The following SIL1 variants were observed in gnomAD, a reference collection of about 807,000 sequenced individuals.
The protein encoded by SIL1 is SIL1 nucleotide exchange factor, also known as nucleotide exchange factor SIL1.
SIL1 carries 40 observed loss-of-function variants against 49.1 expected under a neutral mutation model. That is an observed-to-expected ratio of 0.81 (90% CI 0.63 to 1.06). The LOEUF (loss-of-function observed/expected upper bound fraction) is 1.06. Ranked by LOEUF, SIL1 falls within the 50% of genes least tolerant of loss-of-function variation. The pLI is 0.00. For missense variants in SIL1, 500 were observed against 572.6 expected (o/e 0.87, Z 1.29); for synonymous variants, 253 against 250.8 (o/e 1.01, Z -0.08).
At chr5:139,062,955 A>G (rs1769627427) in intron 3 of SIL1, among the ~76,000 whole-genome samples, 1 of 152,238 alleles carries the variant, frequency 6.6e-6, no homozygotes, top group South Asian at 2.1e-4. Context: ...ATTGAGAAGT[A>G]TGACATAAAT....
Position 139,176,347 on chromosome 5 carries a change from G to A in SIL1, c.-11+21922C>T, listed in dbSNP as rs10041989. Among the ~76,000 whole-genome samples, 85,559 of 151,802 alleles carry A rather than the reference G, an allele frequency of 0.56. 25,195 individuals carry two copies. Among genetic ancestry groups the A allele is most frequent in the African/African-American group, 0.7 (28,876 of 41,402 alleles). On this transcript the variant is annotated intron_variant, in intron 1 of 9. Coordinates refer to ENST00000394817, the MANE Select transcript of SIL1 (RefSeq NM_022464.5). ...TACAGCTCTCTTCTGAACCTTCGTC[G>A]GAATTACCCTTAAGGCTCCTTTCAT... is the stretch of plus-strand genomic sequence containing the variant.
chr5:138,956,682 T>C (rs1449517717), intron 7 of SIL1, among the ~76,000 whole-genome samples: 3 of 150,988 alleles, frequency 2.0e-5, no homozygotes, highest in African/African-American at 4.9e-5. Context: ...GGTAGAGGTT[T>C]CAGTGAGCTG....
At chr5:139,002,491 TA>T (rs577873393) in intron 7 of SIL1, among the ~76,000 whole-genome samples, 61 of 152,144 alleles carry the variant, frequency 4.0e-4, no homozygotes, top group Non-Finnish European at 5.3e-4. Context: ...AAGTATCTCA[TA>T]AAAAAATAGA....
At chr5:139,166,069 G>A (rs570759830) in intron 1 of SIL1, among the ~76,000 whole-genome samples, 1 of 152,250 alleles carries the variant, frequency 6.6e-6, no homozygotes, top group East Asian at 1.9e-4. Flanking sequence ...CCTCCTGAGG[G>A]CTATGTCATG....
chr5:139,022,554 G>C (rs1286636352), intron 6 of SIL1: 1 of 152,218 alleles, frequency 6.6e-6, no homozygotes. Flanking sequence ...GCATTAATGA[G>C]TATGAATTTG....
chr5:139,001,804 C>CT (rs1767989244), intron 7 of SIL1, among the ~76,000 whole-genome samples: 1 of 151,960 alleles, frequency 6.6e-6, no homozygotes. Context: ...ACTCAGGAGG[C>CT]TGAGGCAGGA....
At chr5:139,043,259 C>A (rs1581053983) in intron 4 of SIL1, among the ~76,000 whole-genome samples, 1 of 152,360 alleles carries the variant, frequency 6.6e-6, no homozygotes, top group Non-Finnish European at 1.5e-5. Flanking sequence ...TCTCAGCCAG[C>A]TTCTCAGGAA....
chr5:139,111,996 C>A (rs555577493), intron 3 of SIL1, among the ~76,000 whole-genome samples: 4 of 152,228 alleles, frequency 2.6e-5, no homozygotes, highest in African/African-American at 9.7e-5. Context: ...AGGTGCGCGC[C>A]GCCACGCCTG....
At chr5:139,072,782 GA>G (rs1207870584) in intron 3 of SIL1, among the ~76,000 whole-genome samples, 2 of 152,160 alleles carry the variant, frequency 1.3e-5, no homozygotes, top group Non-Finnish European at 2.9e-5. Context: ...ACAATCTACA[GA>G]ATGGGAGAAA....
intron 7 of SIL1, among the ~76,000 whole-genome samples, chr5:138,956,523 C>G (rs541142866): frequency 2.0e-5 from 3 of 152,200 alleles, no homozygotes; most frequent in African/African-American, 7.2e-5. Context: ...GCGGGCAGAT[C>G]ACTTGAAATC....
intron 7 of SIL1, among the ~76,000 whole-genome samples, chr5:138,989,710 G>A (rs1163544645): frequency 1.3e-5 from 2 of 152,176 alleles, no homozygotes; most frequent in Non-Finnish European, 2.9e-5. Flanking sequence ...TTTGCAAAAG[G>A]GGAAACTGCA....
At chr5:139,043,999 C>G (rs1009343205) in intron 4 of SIL1, among the ~76,000 whole-genome samples, 23 of 152,284 alleles carry the variant, frequency 1.5e-4, no homozygotes, top group African/African-American at 5.3e-4. Flanking sequence ...GAGATTCCAG[C>G]AGGCCTCAGC....
intron 3 of SIL1, among the ~76,000 whole-genome samples, chr5:139,080,704 A>G (rs895522059): frequency 6.6e-6 from 1 of 152,218 alleles, no homozygotes; most frequent in Admixed American, 6.5e-5. Context: ...TTTTAGATCA[A>G]TTCTTACCAG....
intron 3 of SIL1, among the ~76,000 whole-genome samples, chr5:139,098,744 G>T (rs1336412893): frequency 2.0e-5 from 3 of 147,632 alleles, no homozygotes; most frequent in African/African-American, 7.4e-5. Flanking sequence ...AACAACTATA[G>T]GAAAAACAAA....
intron 4 of SIL1, among the ~76,000 whole-genome samples, chr5:139,044,955 A>G (rs1206760352): frequency 2.0e-5 from 3 of 152,128 alleles, no homozygotes; most frequent in African/African-American, 4.8e-5. Context: ...TACTCACACT[A>G]CTAATCAAAA....
intron 1 of SIL1, among the ~76,000 whole-genome samples, chr5:139,138,955 C>T (rs991323531): frequency 7.9e-5 from 12 of 152,308 alleles, no homozygotes; most frequent in Admixed American, 3.9e-4. Flanking sequence ...AACCTTTAAG[C>T]GATGCTGGCT....
At chr5:138,976,606 C>A (rs1053632967) in intron 7 of SIL1, among the ~76,000 whole-genome samples, 1 of 152,056 alleles carries the variant, frequency 6.6e-6, no homozygotes, top group African/African-American at 2.4e-5. Flanking sequence ...TGAGCCACCA[C>A]GCAGGCCATT....
chr5:138,963,960 T>A (rs1378198822), intron 7 of SIL1, among the ~76,000 whole-genome samples: 2 of 152,190 alleles, frequency 1.3e-5, no homozygotes, highest in Non-Finnish European at 2.9e-5. Flanking sequence ...CAGGTCTCAC[T>A]GGAGGCTGAG....
intron 7 of SIL1, among the ~76,000 whole-genome samples, chr5:139,016,452 C>A (rs1264366182): frequency 6.6e-6 from 1 of 151,902 alleles, no homozygotes; most frequent in Non-Finnish European, 1.5e-5. Context: ...GGATTCGAAA[C>A]CACAGGAATA....
Sources: allele counts gnomAD v4.1 joint callset (sites outside exome capture counted in the v4.1 genomes callset), GRCh38; gene constraint gnomAD v4.1.1; transcripts MANE v1.5; gene names NCBI Gene and HGNC (gene_info 2026-07-23, HGNC 2026-07-21).